EHHADH: variants seen among roughly 807,000 people sequenced by gnomAD.
EHHADH encodes peroxisomal bifunctional enzyme.
EHHADH carries 48 observed loss-of-function variants against 64.4 expected under a neutral mutation model. The ratio of observed to expected loss-of-function variants is 0.75; its 90% confidence interval spans 0.59 to 0.95. The LOEUF is 0.95. EHHADH is among the 40% of genes least tolerant of loss of function. The pLI, the probability that EHHADH is intolerant of heterozygous loss-of-function variation, is 0.00. For synonymous variants in EHHADH, 308 were observed against 326.7 expected, an observed-to-expected ratio of 0.94 and a Z score of 0.62; for missense variants, 854 against 876.6, an observed-to-expected ratio of 0.97 and a Z score of 0.33.
intron 2 of EHHADH, among the ~76,000 whole-genome samples, chr3:185,240,712 C>G (rs183509281): frequency 6.6e-6 from 1 of 151,806 alleles, no homozygotes; most frequent in Non-Finnish European, 1.5e-5. Flanking sequence ...TTCAAAGAAC[C>G]AACTTTTCAT....
intron 2 of EHHADH, among the ~76,000 whole-genome samples, chr3:185,240,815 A>AT (rs1260602877): frequency 6.6e-6 from 1 of 150,836 alleles, no homozygotes; most frequent in African/African-American, 2.4e-5. Flanking sequence ...TTTTATTTTT[A>AT]TTTTTCCATA....
intron 4 of EHHADH, among the ~76,000 whole-genome samples, chr3:185,223,086 G>T (rs1409805467): frequency 6.6e-6 from 1 of 152,012 alleles, no homozygotes; most frequent in Admixed American, 6.6e-5. Flanking sequence ...TTTTCTTTTG[G>T]TTATTGCTTT....
intron 6 of EHHADH, among the ~76,000 whole-genome samples, chr3:185,195,590 T>A (rs1209738140): frequency 6.6e-6 from 1 of 152,152 alleles, no homozygotes; most frequent in Non-Finnish European, 1.5e-5. Flanking sequence ...AATAGCCAAA[T>A]GCAGCCATAA....
At chr3:185,244,928 GC>G (rs1432940584) in intron 2 of EHHADH, among the ~76,000 whole-genome samples, 2 of 152,128 alleles carry the variant, frequency 1.3e-5, no homozygotes, top group East Asian at 3.8e-4. Flanking sequence ...AGAGAAAGTG[GC>G]CCCACTTTTT....
intron 1 of EHHADH, among the ~76,000 whole-genome samples, chr3:185,251,241 C>A (rs1719738487): frequency 6.6e-6 from 1 of 150,804 alleles, no homozygotes; most frequent in Admixed American, 6.6e-5. Context: ...TTTTTTTAAA[C>A]CAAAAGTCAT....
chr3:185,249,643 C>T (rs1211206080), intron 1 of EHHADH, among the ~76,000 whole-genome samples: 1 of 152,164 alleles, frequency 6.6e-6, no homozygotes, highest in Non-Finnish European at 1.5e-5. Context: ...CTTGCTTCTC[C>T]TTTGCCTTCC....
At chr3:185,243,962 C>T (rs1385073115) in intron 2 of EHHADH, among the ~76,000 whole-genome samples, 1 of 152,124 alleles carries the variant, frequency 6.6e-6, no homozygotes, top group Non-Finnish European at 1.5e-5. Flanking sequence ...GAAGTCCTCC[C>T]TTATTATTGT....
intron 5 of EHHADH, among the ~76,000 whole-genome samples, chr3:185,213,677 C>T (rs1042766912): frequency 6.6e-6 from 1 of 151,564 alleles, no homozygotes; most frequent in Non-Finnish European, 1.5e-5. Flanking sequence ...GTCAGGAGTT[C>T]AAGACCAGCC....
At chr3:185,242,000 C>T (rs1577375693) in intron 2 of EHHADH, among the ~76,000 whole-genome samples, 1 of 152,140 alleles carries the variant, frequency 6.6e-6, no homozygotes, top group East Asian at 1.9e-4. Context: ...GATCCAATTT[C>T]ATTCTCCTAC....
intron 2 of EHHADH, among the ~76,000 whole-genome samples, chr3:185,237,931 G>A (rs967294128): frequency 6.6e-6 from 1 of 152,034 alleles, no homozygotes; most frequent in African/African-American, 2.4e-5. Flanking sequence ...AGGTCCCTAT[G>A]TCTATTACTT....
chr3:185,253,640 A>T (rs1414815781), intron 1 of EHHADH, among the ~76,000 whole-genome samples: 1 of 151,726 alleles, frequency 6.6e-6, no homozygotes, highest in Admixed American at 6.6e-5. Flanking sequence ...AGGGCTCCGC[A>T]TGAAGGACAG....
At chr3:185,229,591 T>C in intron 3 of EHHADH, 48 bp from the exon 4 acceptor site, 1 of 1,235,846 alleles carries the variant, frequency 8.1e-7, no homozygotes, top group Non-Finnish European at 1.1e-6. Context: ...GATGGTATGT[T>C]CAGAGTTAAG....
chr3:185,199,933 G>A (rs1036371042), intron 6 of EHHADH, among the ~76,000 whole-genome samples: 16 of 152,110 alleles, frequency 1.1e-4, no homozygotes, highest in Admixed American at 3.3e-4. Flanking sequence ...TGTGCACAAC[G>A]GTAGACGTGG....
intron 6 of EHHADH, among the ~76,000 whole-genome samples, chr3:185,193,868 AAAG>A (rs1717984826): frequency 6.6e-6 from 1 of 152,252 alleles, no homozygotes; most frequent in African/African-American, 2.4e-5. Context: ...GAAATTTAAC[AAAG>A]AATAGGAGGA....
chr3:185,204,566 C>T lies in EHHADH; in HGVS notation c.760G>A (p.Glu254Lys). The T allele has an allele frequency of 6.2e-7, 1 of 1,614,214 alleles. No individual in the cohort carries two copies. Among genetic ancestry groups the T allele is most frequent in the Non-Finnish European group, 8.5e-7 (1 of 1,180,046 alleles). Reference protein sequence around the residue: ...PYEVGIKKEEELFLYLLQSGQ... With the variant: ...PYEVGIKKEEKLFLYLLQSGQ... Reference sequence around the variant, plus strand: ...GATTGCAAAAGATATAGAAACAGCTCCTCCTCCTTCTTGATGCCCACTTCA... The same window carrying T: ...GATTGCAAAAGATATAGAAACAGCTTCTCCTCCTTCTTGATGCCCACTTCA... Residue 254 changes from glutamate to lysine, a missense_variant, in exon 6 of 7, where the codon GAG becomes AAG. By Grantham distance (56) the Glu-to-Lys change is moderately conservative. Transcript: ENST00000231887.
intron 5 of EHHADH, among the ~76,000 whole-genome samples, chr3:185,217,542 T>C (rs1264552530): frequency 1.2e-4 from 8 of 66,744 alleles, no homozygotes; most frequent in Non-Finnish European, 3.2e-5. Context: ...CGGGACTCTG[T>C]CTCAGAAAAA....
At chr3:185,236,482 C>T (rs1486417218) in intron 2 of EHHADH, among the ~76,000 whole-genome samples, 1 of 141,258 alleles carries the variant, frequency 7.1e-6, no homozygotes, top group Non-Finnish European at 1.6e-5. Flanking sequence ...TAGAGCATAC[C>T]ATAAAATCAT....
chr3:185,219,642 C>G (rs181574651), intron 4 of EHHADH, among the ~76,000 whole-genome samples: 1 of 152,120 alleles, frequency 6.6e-6, no homozygotes, highest in Non-Finnish European at 1.5e-5. Context: ...CATCCCCTAC[C>G]CCAGGGTCAG....
chr3:185,193,781 GAAAT>G (rs1039182817), intron 6 of EHHADH, among the ~76,000 whole-genome samples: 1 of 151,882 alleles, frequency 6.6e-6, no homozygotes, highest in African/African-American at 2.4e-5. Context: ...CTATATATTA[GAAAT>G]AAACAATCTG....
Sources: gnomAD v4.1 joint callset for allele counts (sites outside exome capture counted in the v4.1 genomes callset) on GRCh38, gnomAD v4.1.1 for gene constraint, MANE v1.5 for transcripts, NCBI Gene and HGNC (gene_info 2026-07-23, HGNC 2026-07-21) for gene names.